ZCCHC7: variants seen among roughly 807,000 people sequenced by gnomAD.
ZCCHC7 encodes zinc finger CCHC domain-containing protein 7.
ZCCHC7 carries 35 observed loss-of-function variants against 52.0 expected under a neutral mutation model. That is an observed-to-expected ratio of 0.67 (90% CI 0.51 to 0.89). ZCCHC7 has a LOEUF of 0.89. ZCCHC7 is among the 40% of genes least tolerant of loss of function. The pLI is 0.00. For missense variants in ZCCHC7, 574 were observed against 649.1 expected (o/e 0.88, Z 1.26); for synonymous variants, 217 against 221.5 (o/e 0.98, Z 0.18).
At chr9:37,226,766 C>T (rs1327868558) in intron 2 of ZCCHC7, among the ~76,000 whole-genome samples, 12 of 152,126 alleles carry the variant, frequency 7.9e-5, no homozygotes, top group Admixed American at 7.9e-4. Flanking sequence ...CACGGTGGCT[C>T]ATGCCTGTAA....
At chr9:37,351,045 G>A (rs923095569) in intron 7 of ZCCHC7, among the ~76,000 whole-genome samples, 9 of 152,064 alleles carry the variant, frequency 5.9e-5, no homozygotes, top group Admixed American at 3.9e-4. Context: ...CATCACTGGT[G>A]TAGATCTTGG....
At chr9:37,242,727 G>T (rs1259252605) in intron 2 of ZCCHC7, among the ~76,000 whole-genome samples, 1 of 151,768 alleles carries the variant, frequency 6.6e-6, no homozygotes. Flanking sequence ...AGAGCTTGCT[G>T]CCTCAAGTTA....
At chr9:37,246,580 G>C (rs982649523) in intron 2 of ZCCHC7, among the ~76,000 whole-genome samples, 2 of 152,180 alleles carry the variant, frequency 1.3e-5, no homozygotes, top group Non-Finnish European at 2.9e-5. Context: ...CTCTGGGCCA[G>C]TGTGGACCAT....
chr9:37,203,780 A>G (rs1369341367), intron 2 of ZCCHC7, among the ~76,000 whole-genome samples: 2 of 152,156 alleles, frequency 1.3e-5, no homozygotes, highest in Non-Finnish European at 2.9e-5. Flanking sequence ...GTGTGCCTGC[A>G]TGTTTATAAC....
At chr9:37,278,093 G>T (rs1012195389) in intron 2 of ZCCHC7, among the ~76,000 whole-genome samples, 1 of 148,654 alleles carries the variant, frequency 6.7e-6, no homozygotes, top group Non-Finnish European at 1.5e-5. Flanking sequence ...GTGTCACCCA[G>T]GCTGGAGTGC....
chr9:37,197,715 C>T (rs2133137336), intron 2 of ZCCHC7, among the ~76,000 whole-genome samples: 1 of 151,864 alleles, frequency 6.6e-6, no homozygotes, highest in East Asian at 1.9e-4. Context: ...TTTCGAAAGT[C>T]AAAACAGCAA....
At chr9:37,254,837 CT>C (rs59489076) in intron 2 of ZCCHC7, among the ~76,000 whole-genome samples, 13 of 93,472 alleles carry the variant, frequency 1.4e-4, no homozygotes, top group African/African-American at 2.8e-4. Flanking sequence ...CAAAAAGTTT[CT>C]TTTTTTTTTT....
At chr9:37,176,406 T>A (rs1822034479) in intron 2 of ZCCHC7, among the ~76,000 whole-genome samples, 1 of 152,150 alleles carries the variant, frequency 6.6e-6, no homozygotes. Context: ...TTCATTAAGG[T>A]AGCCTAGGAA....
At chr9:37,183,782 G>T (rs1190944573) in intron 2 of ZCCHC7, among the ~76,000 whole-genome samples, 1 of 152,150 alleles carries the variant, frequency 6.6e-6, no homozygotes, top group Non-Finnish European at 1.5e-5. Context: ...TATAAATAAA[G>T]AAATAGGTGT....
chr9:37,184,213 T>C (rs1267200321), intron 2 of ZCCHC7, among the ~76,000 whole-genome samples: 1 of 152,212 alleles, frequency 6.6e-6, no homozygotes. Flanking sequence ...TCATACTTTG[T>C]TATGGAGCAA....
intron 2 of ZCCHC7, among the ~76,000 whole-genome samples, chr9:37,227,262 A>G (rs1369628874): frequency 6.6e-6 from 1 of 152,134 alleles, no homozygotes; most frequent in Non-Finnish European, 1.5e-5. Context: ...TTACAACTCA[A>G]TAATAATGAG....
intron 2 of ZCCHC7, among the ~76,000 whole-genome samples, chr9:37,236,364 C>T (rs762242199): frequency 2.6e-5 from 4 of 151,448 alleles, no homozygotes; most frequent in Non-Finnish European, 4.4e-5. Context: ...AACCAAGGCT[C>T]ACAGGGTATT....
intron 2 of ZCCHC7, among the ~76,000 whole-genome samples, chr9:37,244,222 A>G (rs1335179358): frequency 1.3e-5 from 2 of 150,186 alleles, no homozygotes; most frequent in Non-Finnish European, 3.0e-5. Context: ...GTGAATTTTT[A>G]TTGTGCAGGA....
At chr9:37,252,032 T>G (rs776897012) in intron 2 of ZCCHC7, among the ~76,000 whole-genome samples, 9 of 152,180 alleles carry the variant, frequency 5.9e-5, no homozygotes, top group Non-Finnish European at 1.3e-4. Context: ...TTGTAAAACC[T>G]TCTGAAAACA....
chr9:37,317,246 G>A (rs1829863016), intron 5 of ZCCHC7, among the ~76,000 whole-genome samples: 1 of 152,144 alleles, frequency 6.6e-6, no homozygotes, highest in Admixed American at 6.5e-5. Context: ...GAAAAGTAAT[G>A]GAGAAATCTC....
Position 37,147,359 on chromosome 9 carries a change from C to T in ZCCHC7, c.610+20417C>T, listed in dbSNP as rs535091205. ...TTAATGCTTTGTTTTTCTGTCTAAC[C>T]AGGTAATACCTAGCAAATACAGAAA... On this transcript the variant is annotated intron_variant, in intron 2 of 8. Coordinates refer to ENST00000336755, the MANE Select transcript of ZCCHC7 (RefSeq NM_032226.3). 3.9e-5 allele frequency: 6 copies of T among 151,992 alleles called. No homozygotes were observed. The South Asian group carries it at 1.0e-3, about 26-fold the overall frequency. The allele number at this position is 151,992 out of a possible 1,614,324, so 9.4% of individuals were successfully genotyped here.
At chr9:37,182,568 A>G (rs1822421748) in intron 2 of ZCCHC7, among the ~76,000 whole-genome samples, 1 of 151,868 alleles carries the variant, frequency 6.6e-6, no homozygotes, top group South Asian at 2.1e-4. Flanking sequence ...TTTCACTTGT[A>G]TTGGTGAGGC....
At chr9:37,198,620 A>G (rs1823413691) in intron 2 of ZCCHC7, among the ~76,000 whole-genome samples, 1 of 152,208 alleles carries the variant, frequency 6.6e-6, no homozygotes, top group African/African-American at 2.4e-5. Flanking sequence ...TTAGGTGCCA[A>G]AAGAGAAAGA....
At chr9:37,298,438 T>A (rs1828885690) in intron 2 of ZCCHC7, among the ~76,000 whole-genome samples, 1 of 152,236 alleles carries the variant, frequency 6.6e-6, no homozygotes, top group Admixed American at 6.5e-5. Context: ...AATGGAATAC[T>A]GCTTGATTAT....
Sources: gnomAD v4.1 joint callset for allele counts (sites outside exome capture counted in the v4.1 genomes callset) on GRCh38, gnomAD v4.1.1 for gene constraint, MANE v1.5 for transcripts, NCBI Gene and HGNC (gene_info 2026-07-23, HGNC 2026-07-21) for gene names.